Variants in UHRF1 observed in about 807,000 individuals in gnomAD.
The protein encoded by UHRF1 is E3 ubiquitin-protein ligase UHRF1.
A neutral mutation model predicts 96.5 loss-of-function variants in UHRF1; 9 were observed. That is an observed-to-expected ratio of 0.09 (90% CI 0.06 to 0.16). UHRF1 has a LOEUF of 0.16. Ranked by LOEUF, UHRF1 falls within the 10% of genes least tolerant of loss-of-function variation. The pLI is 1.00. For synonymous variants in UHRF1, 455 were observed against 469.9 expected, an observed-to-expected ratio of 0.97 and a Z score of 0.41; for missense variants, 626 against 1,131.1, an observed-to-expected ratio of 0.55 and a Z score of 6.40.
rs2032171221 is a variant in UHRF1, at chr19:4,909,669, C to G, written c.-11+14C>G. 1.9e-6 allele frequency: 1 copy of G among 527,760 alleles called. No individual in the cohort carries two copies. The highest frequency in any genetic ancestry group is 3.5e-5 in the East Asian group (1 of 28,466). The allele number at this position is 527,760 out of a possible 1,614,324, so 32.7% of individuals were successfully genotyped here. On this transcript the variant is annotated intron_variant, in intron 1 of 16. Transcript: ENST00000650932. The stretch of plus-strand genomic sequence containing the variant: ...GCGACCGGAGAGGTGAGCGGGCGGG[C>G]CGGGTCGGGGTGCCAGCCCGGGCCG...
rs112146962 is a variant in UHRF1, at chr19:4,925,899, T to A, written c.154-3323T>A. ...CCTGTTTTTTCTTTTCTTTCTTTCT[T>A]TTTTTCTTTCTTTTTGAGACGGAGT... On this transcript the variant is annotated intron_variant, in intron 2 of 16. Coordinates refer to ENST00000650932, the MANE Select transcript of UHRF1 (RefSeq NM_001048201.3). Among the ~76,000 whole-genome samples the A allele has an allele frequency of 7.1e-3, 1,082 of 151,522 alleles. 12 individuals carry two copies. Among genetic ancestry groups the A allele is most frequent in the African/African-American group, 0.025 (1,035 of 41,286 alleles).
At chr19:4,936,131 T>C (rs1235894588) in intron 5 of UHRF1, among the ~76,000 whole-genome samples, 6 of 152,086 alleles carry the variant, frequency 3.9e-5, no homozygotes, top group Admixed American at 6.6e-5. Context: ...AGGGAACAGG[T>C]GCTCGGTCCA....
upstream of UHRF1, among the ~76,000 whole-genome samples, chr19:4,906,901 GC>G (rs1460461832): frequency 2.0e-5 from 3 of 152,258 alleles, no homozygotes; most frequent in African/African-American, 7.2e-5. Flanking sequence ...AAGAGCTCAA[GC>G]CGTCTCACAC....
At chr19:4,903,399 G>C (rs1370971603) in exon 1 of UHRF1, 2 of 153,670 alleles carry the variant, frequency 1.3e-5, no homozygotes, top group African/African-American at 2.4e-5. Flanking sequence ...TGCCACATCT[G>C]CCTCCCGGGT....
chr19:4,929,483 C>T lies in UHRF1; in HGVS notation c.408+7C>T, dbSNP rs912430863. The T allele has an allele frequency of 1.2e-6, 2 of 1,606,540 alleles. No homozygotes were observed. The highest frequency in any genetic ancestry group is 1.7e-6 in the Non-Finnish European group (2 of 1,174,710). ...GGAATTGGGGCTGTACAAGGTGAGC[C>T]TCCCCTCCGCAGCTGCTCTGGGGTT... On this transcript the variant is annotated splice_region_variant and intron_variant, in intron 3 of 16. Coordinates refer to ENST00000650932, the MANE Select transcript of UHRF1 (RefSeq NM_001048201.3).
chr19:4,960,849 G>C lies in UHRF1; in HGVS notation c.*46G>C, dbSNP rs2033970723. The C allele has an allele frequency of 9.0e-7, 1 of 1,115,910 alleles. No homozygotes were observed. Among genetic ancestry groups the C allele is most frequent in the East Asian group, 2.6e-5 (1 of 38,132 alleles). The allele number at this position is 1,115,910 out of a possible 1,614,324, so 69.1% of individuals were successfully genotyped here. A position where few individuals can be genotyped will look rare whatever the true frequency, so the allele number is the denominator to read the frequency against. The stretch of plus-strand genomic sequence containing the variant: ...GGCGTTTTGCTGAAAACGTGTCGGA[G>C]GGCTCGTTCATCGGCACTGATTTTG... On this transcript the variant is annotated 3_prime_UTR_variant, in exon 17 of 17. Transcript: ENST00000650932.
intron 2 of UHRF1, 25 bp from the exon 3 acceptor site, chr19:4,929,197 G>A: frequency 2.5e-6 from 4 of 1,597,918 alleles, no homozygotes; most frequent in Non-Finnish European, 3.4e-6. Context: ...TGGCTAAACA[G>A]CGTCTGCCTC....
At chr19:4,905,704 G>C (rs1425612448), upstream of UHRF1, among the ~76,000 whole-genome samples, 1 of 151,952 alleles carries the variant, frequency 6.6e-6, no homozygotes, top group Non-Finnish European at 1.5e-5. Flanking sequence ...TTTTAGTAGA[G>C]ACGGGGTTTC....
At chr19:4,932,661 G>T (rs79261378) in intron 4 of UHRF1, 80 bp from the exon 5 acceptor site, 7 of 1,511,230 alleles carry the variant, frequency 4.6e-6, no homozygotes, top group Non-Finnish European at 6.4e-6. Context: ...GGGAGGGGCC[G>T]TCCCACCTCG....
upstream of UHRF1, among the ~76,000 whole-genome samples, chr19:4,905,797 G>T (rs896051604): frequency 1.4e-4 from 21 of 152,140 alleles, no homozygotes; most frequent in Admixed American, 1.2e-3. Flanking sequence ...GATTACAGGC[G>T]TGAGCCACTG....
At chr19:4,938,730 G>GGTTTTTTTTTTTTTTT (rs1568421924) in intron 5 of UHRF1, among the ~76,000 whole-genome samples, 10 of 61,566 alleles carry the variant, frequency 1.6e-4, no homozygotes, top group South Asian at 6.8e-4. Context: ...TTTTGGTCAG[G>GGTTTTTTTTTTTTTTT]TTTTTTTTTT....
At chr19:4,907,511 C>A (rs1426579878), upstream of UHRF1, among the ~76,000 whole-genome samples, 1 of 152,100 alleles carries the variant, frequency 6.6e-6, no homozygotes, top group East Asian at 1.9e-4. Context: ...CTCCAGTTAT[C>A]TGCCTGCCTC....
chr19:4,956,774 C>G lies in UHRF1; in HGVS notation c.2196C>G (p.Phe732Leu). The change falls in exon 16 of 17, where the codon TTC becomes TTG. Residue 732 changes from phenylalanine (F) to leucine (L), a missense_variant. Phe to Leu is a conservative substitution (Grantham distance 22). Coordinates refer to ENST00000650932, the MANE Select transcript of UHRF1 (RefSeq NM_001048201.3). ...GTATCTGCTGTCAGGAGCTGGTGTT[C>G]CGGCCCATCACGACCGTGTGCCAGC... ...FQCICCQELVFRPITTVCQHN... is the reference protein window; with the variant it reads ...FQCICCQELVLRPITTVCQHN... 1 of 1,611,568 alleles carries G rather than the reference C, an allele frequency of 6.2e-7. No individual in the cohort carries two copies. The highest frequency in any genetic ancestry group is 8.5e-7 in the Non-Finnish European group (1 of 1,178,884).
At chr19:4,905,770 G>A (rs533635061), upstream of UHRF1, among the ~76,000 whole-genome samples, 1 of 152,088 alleles carries the variant, frequency 6.6e-6, no homozygotes, top group African/African-American at 2.4e-5. Flanking sequence ...GCCTGCCTTG[G>A]CCTCCCAAAG....
rs966962634 is a variant in UHRF1 at position 4,930,934 on chromosome 19, G to A, written c.569+58G>A. 76 of 1,600,806 alleles carry A rather than the reference G, an allele frequency of 4.7e-5. No individual in the cohort carries two copies. Among genetic ancestry groups the A allele is most frequent in the Non-Finnish European group, 6.3e-5 (74 of 1,171,982 alleles). ...TCAGGCTCTGTGACGCGCATCCTTG[G>A]CTGCGGGTGTTCAGGCCAGAGCTTG... On this transcript the variant is annotated intron_variant, in intron 4 of 16. Coordinates refer to ENST00000650932, the MANE Select transcript of UHRF1 (RefSeq NM_001048201.3). The surrounding 1 kb of genome is among the most constrained non-coding windows in gnomAD (Gnocchi z 4.4).
rs978984954 is a variant in UHRF1 at position 4,934,322 on chromosome 19, C to T, written c.785+1366C>T. ...GTGCTGGGATTACAGGCATGAGCCA[C>T]TGCGCCCGGCCAAAAATTTACCATT... is the stretch of plus-strand genomic sequence containing the variant. On this transcript the variant is annotated intron_variant, in intron 5 of 16. Coordinates refer to ENST00000650932, the MANE Select transcript of UHRF1 (RefSeq NM_001048201.3). Among the ~76,000 whole-genome samples, 12 of 152,348 alleles carry T rather than the reference C, an allele frequency of 7.9e-5. No homozygotes were observed. In the South Asian group the frequency reaches 2.1e-3, roughly 26 times the overall value.
intron 5 of UHRF1, among the ~76,000 whole-genome samples, chr19:4,938,945 G>A (rs982967693): frequency 2.7e-5 from 4 of 147,822 alleles, no homozygotes; most frequent in Non-Finnish European, 4.5e-5. Context: ...ACAAAGTCTC[G>A]CTCTGTCACC....
chr19:4,921,064 C>T (rs1296836244), intron 2 of UHRF1, among the ~76,000 whole-genome samples: 1 of 151,380 alleles, frequency 6.6e-6, no homozygotes, highest in Non-Finnish European at 1.5e-5. Context: ...GCGGAGGTCA[C>T]AGTGAGTCAA....
Position 4,941,562 on chromosome 19 carries a change from G to C in UHRF1, c.820G>C (p.Val274Leu), listed in dbSNP as rs750414522. The C allele has an allele frequency of 6.2e-7, 1 of 1,613,594 alleles. No individual in the cohort carries two copies. Among genetic ancestry groups the C allele is most frequent in the Non-Finnish European group, 8.5e-7 (1 of 1,179,788 alleles). ...TCTGAACGACTGTCGGATCATCTTCGTGGACGAAGTCTTCAAGATTGAGCG... is the reference window on the plus strand; with the variant it reads ...TCTGAACGACTGTCGGATCATCTTCCTGGACGAAGTCTTCAAGATTGAGCG... ...DSLNDCRIIFVDEVFKIERPG... is the reference protein window; with the variant it reads ...DSLNDCRIIFLDEVFKIERPG... Residue 274 changes from valine to leucine, a missense_variant, in exon 6 of 17, where the codon GTG becomes CTG. Transcript: ENST00000650932.
Sources: allele counts gnomAD v4.1 joint callset (sites outside exome capture counted in the v4.1 genomes callset), GRCh38; gene constraint gnomAD v4.1.1; non-coding constraint Gnocchi (gnomAD v3.1); transcripts MANE v1.5; gene names NCBI Gene and HGNC (gene_info 2026-07-23, HGNC 2026-07-21).